ZNF730: variants seen among roughly 807,000 people sequenced by gnomAD.
ZNF730 encodes the protein zinc finger protein 730.
In ZNF730, 12 loss-of-function variants were observed where a neutral mutation model predicts 12.6. That is an observed-to-expected ratio of 0.95 (90% CI 0.61 to 1.54). The LOEUF is 1.54. Among genes scored for constraint, ZNF730 ranks in the 40% most tolerant of loss-of-function variants. The probability of loss-of-function intolerance (pLI) is 0.00; values close to 1 mark genes in which losing one functional copy is unlikely to be tolerated. For missense variants in ZNF730, 643 were observed against 583.5 expected, an observed-to-expected ratio of 1.10 and a Z score of -1.05; for synonymous variants, 194 against 195.8, an observed-to-expected ratio of 0.99 and a Z score of 0.08.
At chr19:23,111,929 A>C (rs1299338322) in intron 1 of ZNF730, among the ~76,000 whole-genome samples, 1 of 152,266 alleles carries the variant, frequency 6.6e-6, no homozygotes, top group African/African-American at 2.4e-5. Flanking sequence ...ATCTTCTGCT[A>C]CTGAAGTCTA....
chr19:23,094,505 G>A (rs1398635022), intron 1 of ZNF730, among the ~76,000 whole-genome samples: 1 of 150,830 alleles, frequency 6.6e-6, no homozygotes, highest in African/African-American at 2.4e-5. Context: ...ATTTTGAGAT[G>A]GAATTTCACT....
chr19:23,136,728 C>T (rs1970837813), intron 3 of ZNF730, among the ~76,000 whole-genome samples: 1 of 150,730 alleles, frequency 6.6e-6, no homozygotes, highest in Admixed American at 6.6e-5. Flanking sequence ...AGTATGATGT[C>T]CTCCTGCTTT....
chr19:23,126,798 T>C lies in ZNF730; in HGVS notation c.4-7282T>C, dbSNP rs74355358. The C allele has an allele frequency of 2.9e-3, 1,540 of 523,950 alleles. 26 individuals carry two copies. The highest frequency in any genetic ancestry group is 0.027 in the African/African-American group (1,392 of 51,158). 32.5% of individuals were successfully genotyped at this position (523,950 alleles called of 1,614,324 possible). A position where few individuals can be genotyped will look rare whatever the true frequency, so the allele number is the denominator to read the frequency against. On this transcript the variant is annotated intron_variant, in intron 1 of 3. Transcript: ENST00000597761. Reference sequence around the variant, plus strand: ...AGTTTTAGCCAGCAGAACATCTTTATTTTTTGCTCTTGCTTTATCCAGTGC... The same window carrying C: ...AGTTTTAGCCAGCAGAACATCTTTACTTTTTGCTCTTGCTTTATCCAGTGC...
At chr19:23,140,616 A>AG (rs904020562) in intron 3 of ZNF730, among the ~76,000 whole-genome samples, 16 of 150,294 alleles carry the variant, frequency 1.1e-4, no homozygotes, top group Admixed American at 8.0e-4. Flanking sequence ...TTAAAAAAAA[A>AG]AAAAAAAAGA....
At chr19:23,133,799 A>G (rs987892175) in intron 1 of ZNF730, among the ~76,000 whole-genome samples, 1 of 150,060 alleles carries the variant, frequency 6.7e-6, no homozygotes, top group Non-Finnish European at 1.5e-5. Context: ...ATGTAAATAT[A>G]CCACTCAAAA....
chr19:23,130,210 C>T (rs578111380), intron 1 of ZNF730, among the ~76,000 whole-genome samples: 299 of 152,124 alleles, frequency 2.0e-3, no homozygotes, highest in Middle Eastern at 3.4e-3. Flanking sequence ...GCGCTGTTCT[C>T]GTGATAGTGA....
intron 1 of ZNF730, 141 bp downstream of exon 1, chr19:23,117,317 C>T: frequency 1.3e-6 from 2 of 1,497,248 alleles, no homozygotes; most frequent in South Asian, 1.2e-5. Context: ...CGGCCTCAGT[C>T]CCCTTCAGCC....
intron 1 of ZNF730, among the ~76,000 whole-genome samples, chr19:23,107,506 T>A (rs1434167570): frequency 6.0e-5 from 9 of 148,950 alleles, no homozygotes; most frequent in Non-Finnish European, 1.0e-4. Context: ...GTTATTTTTT[T>A]AAAGTAGAGA....
intron 1 of ZNF730, among the ~76,000 whole-genome samples, chr19:23,121,490 T>G (rs1970598029): frequency 6.6e-6 from 1 of 152,058 alleles, no homozygotes; most frequent in Non-Finnish European, 1.5e-5. Flanking sequence ...TACAGGAGTG[T>G]GCCACCATGC....
chr19:23,112,122 G>T (rs1291590622), upstream of ZNF730, among the ~76,000 whole-genome samples: 1 of 152,074 alleles, frequency 6.6e-6, no homozygotes, highest in Non-Finnish European at 1.5e-5. Context: ...TTGAAAGCTG[G>T]GTTGATAATC....
intron 1 of ZNF730, among the ~76,000 whole-genome samples, chr19:23,126,118 T>C (rs1970662872): frequency 6.6e-6 from 1 of 152,208 alleles, no homozygotes; most frequent in Admixed American, 6.5e-5. Context: ...ACTAAGGTGG[T>C]ATATAATGCT....
chr19:23,113,537 T>C (rs750382174), upstream of ZNF730, among the ~76,000 whole-genome samples: 2 of 152,184 alleles, frequency 1.3e-5, no homozygotes, highest in African/African-American at 2.4e-5. Context: ...CTGTGCACTG[T>C]TGAAAATTTT....
upstream of ZNF730, among the ~76,000 whole-genome samples, chr19:23,116,272 A>G (rs76498887): frequency 8.4e-3 from 1,217 of 145,120 alleles, 20 homozygotes; most frequent in African/African-American, 0.03. Context: ...TGGTCACCAG[A>G]TAGTGATCTA....
rs541980495 is a variant in ZNF730 at position 23,117,172 on chromosome 19, A to G, written c.-2A>G. ...ACGCCAGGGCCCCCTGGAAGCCTAG[A>G]AATGGTGAGAGTGCCGGTCCGACAT... is the stretch of plus-strand genomic sequence containing the variant. On this transcript the variant is annotated 5_prime_UTR_variant, in exon 1 of 4. Coordinates refer to ENST00000597761, the MANE Select transcript of ZNF730 (RefSeq NM_001277403.2). 8 of 1,613,858 alleles carry G rather than the reference A, an allele frequency of 5.0e-6. No individual in the cohort carries two copies. The highest frequency in any genetic ancestry group is 1.7e-4 in the Middle Eastern group (1 of 6,056).
rs188079434 is a variant in ZNF730 at position 23,118,565 on chromosome 19, C to G, written c.3+1389C>G. ...GACAACAAGAGGTATGAAGTGTAGT[C>G]TCTCAAGAGAGCAGGTGGATGCCCT... On this transcript the variant is annotated intron_variant, in intron 1 of 3. Coordinates refer to ENST00000597761, the MANE Select transcript of ZNF730 (RefSeq NM_001277403.2). 3.9e-5 allele frequency among the ~76,000 whole-genome samples: 6 copies of G among 152,090 alleles called. No individual in the cohort carries two copies. In the East Asian group the frequency reaches 1.2e-3, roughly 29 times the overall value.
At chr19:23,138,830 A>G (rs1970871526) in intron 3 of ZNF730, among the ~76,000 whole-genome samples, 1 of 152,182 alleles carries the variant, frequency 6.6e-6, no homozygotes, top group South Asian at 2.1e-4. Context: ...TGTACCATGT[A>G]GCTGTCATTA....
chr19:23,138,144 G>A (rs934625793), intron 3 of ZNF730, among the ~76,000 whole-genome samples: 1 of 62,462 alleles, frequency 1.6e-5, no homozygotes, highest in Non-Finnish European at 3.7e-5. Context: ...TTAGCCGGGC[G>A]TGGTGGCGGG....
At chr19:23,079,938 C>T (rs1359153383) in intron 1 of ZNF730, among the ~76,000 whole-genome samples, 3 of 151,872 alleles carry the variant, frequency 2.0e-5, no homozygotes, top group Non-Finnish European at 4.4e-5. Context: ...GTCAAGATGT[C>T]CCTATTTTAT....
At chr19:23,105,118 C>CTT (rs1007819236) in intron 1 of ZNF730, among the ~76,000 whole-genome samples, 1,247 of 87,676 alleles carry the variant, frequency 0.014, 26 homozygotes, top group African/African-American at 0.037. Context: ...TTTTTCTTTT[C>CTT]TTTTTTTTTT....
Sources: allele counts gnomAD v4.1 joint callset (sites outside exome capture counted in the v4.1 genomes callset), GRCh38; gene constraint gnomAD v4.1.1; transcripts MANE v1.5; gene names NCBI Gene and HGNC (gene_info 2026-07-23, HGNC 2026-07-21).